The following FGF7 variants were observed in gnomAD, a reference collection of about 807,000 sequenced individuals.
FGF7 encodes fibroblast growth factor 7, also known as FGF-7.
Under a neutral mutation model 20.5 loss-of-function variants are expected in FGF7, and 6 were observed. That is an observed-to-expected ratio of 0.29 (90% CI 0.16 to 0.58). The LOEUF is 0.58. Among genes scored for constraint, FGF7 ranks in the 20% least tolerant of loss-of-function variants. The pLI is 0.90. For missense variants in FGF7, 144 were observed against 228.8 expected, an observed-to-expected ratio of 0.63 and a Z score of 2.39; for synonymous variants, 64 against 74.7, an observed-to-expected ratio of 0.86 and a Z score of 0.74.
chr15:49,437,846 T>C (rs1305268285), intron 2 of FGF7, among the ~76,000 whole-genome samples: 2 of 151,550 alleles, frequency 1.3e-5, no homozygotes, highest in Admixed American at 6.6e-5. Context: ...GTAAGTACTG[T>C]GAAAAAGGTA....
chr15:49,483,110 CTG>C (rs1290895541), intron 2 of FGF7, 39 bp from the exon 3 acceptor site: 1 of 1,126,886 alleles, frequency 8.9e-7, no homozygotes, highest in Non-Finnish European at 1.3e-6. Context: ...ATTTGCAAAA[CTG>C]AACGAATATT....
At chr15:49,473,632 T>G (rs1168455223) in intron 2 of FGF7, among the ~76,000 whole-genome samples, 1 of 152,110 alleles carries the variant, frequency 6.6e-6, no homozygotes, top group Non-Finnish European at 1.5e-5. Flanking sequence ...CAATATTTTA[T>G]TTATGGAGCA....
intron 2 of FGF7, among the ~76,000 whole-genome samples, chr15:49,442,034 C>A (rs1206346513): frequency 6.6e-6 from 1 of 151,284 alleles, no homozygotes; most frequent in Non-Finnish European, 1.5e-5. Flanking sequence ...TAGTGTCCAG[C>A]ACATTAGGAA....
At chr15:49,442,492 T>C (rs556817116) in intron 2 of FGF7, among the ~76,000 whole-genome samples, 2 of 151,836 alleles carry the variant, frequency 1.3e-5, no homozygotes, top group Non-Finnish European at 3.0e-5. Context: ...TCCTAGACTT[T>C]AGAACCAGGA....
At chr15:49,459,651 T>C (rs1386526609) in intron 2 of FGF7, among the ~76,000 whole-genome samples, 3 of 152,184 alleles carry the variant, frequency 2.0e-5, no homozygotes, top group Non-Finnish European at 2.9e-5. Context: ...AAAACTAGTA[T>C]TTCTATAGTT....
chr15:49,460,221 A>G (rs1396987854), intron 2 of FGF7, among the ~76,000 whole-genome samples: 1 of 152,212 alleles, frequency 6.6e-6, no homozygotes, highest in African/African-American at 2.4e-5. Flanking sequence ...CCTTAAAAAA[A>G]AAGTCCAAAA....
At chr15:49,436,830 T>C (rs1203916060) in intron 2 of FGF7, among the ~76,000 whole-genome samples, 2 of 151,634 alleles carry the variant, frequency 1.3e-5, no homozygotes, top group East Asian at 3.9e-4. Flanking sequence ...TATTACTTTG[T>C]ATCAAGCAGT....
chr15:49,451,435 G>C (rs955340099), intron 2 of FGF7, among the ~76,000 whole-genome samples: 1 of 151,970 alleles, frequency 6.6e-6, no homozygotes, highest in African/African-American at 2.4e-5. Flanking sequence ...TCTATGCATT[G>C]CTGACAGACA....
At chr15:49,436,845 T>A (rs899400336) in intron 2 of FGF7, among the ~76,000 whole-genome samples, 1 of 151,618 alleles carries the variant, frequency 6.6e-6, no homozygotes, top group African/African-American at 2.4e-5. Flanking sequence ...AGCAGTGGGA[T>A]AATTTGCATC....
In FGF7 at chr15:49,466,794, T is replaced by C. The variant is rs74549461; in HGVS notation, c.287-16357T>C. 1.7e-4 allele frequency among the ~76,000 whole-genome samples: 26 copies of C among 152,322 alleles called. No individual in the cohort carries two copies. In the East Asian group the frequency reaches 4.8e-3, roughly 28 times the overall value. The stretch of plus-strand genomic sequence containing the variant: ...GAGCTTGGGGGTCTTTAACCCTTTT[T>C]AAATTTTTTAATTATCTTTTTAAGT... On this transcript the variant is annotated intron_variant, in intron 2 of 3. Coordinates refer to ENST00000267843, the MANE Select transcript of FGF7 (RefSeq NM_002009.4).
At chr15:49,464,548 A>T (rs1279325762) in intron 2 of FGF7, among the ~76,000 whole-genome samples, 1 of 152,198 alleles carries the variant, frequency 6.6e-6, no homozygotes, top group Non-Finnish European at 1.5e-5. Flanking sequence ...GTAGGCAAAA[A>T]ACTGGCAGAT....
At chr15:49,442,780 C>G (rs2051791917) in intron 2 of FGF7, among the ~76,000 whole-genome samples, 1 of 151,720 alleles carries the variant, frequency 6.6e-6, no homozygotes, top group South Asian at 2.1e-4. Flanking sequence ...ACTTCAAATA[C>G]CCAACCACTG....
intron 2 of FGF7, among the ~76,000 whole-genome samples, chr15:49,432,034 A>G (rs2050668298): frequency 1.3e-5 from 2 of 151,738 alleles, no homozygotes; most frequent in Non-Finnish European, 3.0e-5. Context: ...AACTGTAATA[A>G]TCTTTGCTTA....
At chr15:49,484,016 G>C (rs1224041184) in intron 3 of FGF7, among the ~76,000 whole-genome samples, 2 of 151,974 alleles carry the variant, frequency 1.3e-5, no homozygotes. Context: ...CTGTTACTTA[G>C]GGGGAAATAG....
chr15:49,484,156 T>G (rs1397322497), intron 3 of FGF7, among the ~76,000 whole-genome samples, 154 bp from the exon 4 acceptor site: 1 of 152,092 alleles, frequency 6.6e-6, no homozygotes, highest in Non-Finnish European at 1.5e-5. Context: ...TACATAAGTA[T>G]AGCTAATAAA....
chr15:49,428,436 G>A (rs2050311428), intron 2 of FGF7, among the ~76,000 whole-genome samples: 4 of 151,948 alleles, frequency 2.6e-5, no homozygotes, highest in South Asian at 4.2e-4. Flanking sequence ...ATGAATGGTC[G>A]ATACTTCCAC....
At chr15:49,476,710 G>A (rs943270284) in intron 2 of FGF7, among the ~76,000 whole-genome samples, 10 of 152,142 alleles carry the variant, frequency 6.6e-5, no homozygotes, top group African/African-American at 2.4e-4. Context: ...AAAGTCAGCT[G>A]CATTTAAAAA....
At chr15:49,441,650 G>A (rs1484197199) in intron 2 of FGF7, among the ~76,000 whole-genome samples, 1 of 151,520 alleles carries the variant, frequency 6.6e-6, no homozygotes, top group African/African-American at 2.4e-5. Flanking sequence ...CTTCTCAGGG[G>A]CTCCACATCA....
intron 2 of FGF7, among the ~76,000 whole-genome samples, chr15:49,472,255 G>C (rs1247621196): frequency 6.6e-6 from 1 of 152,156 alleles, no homozygotes; most frequent in East Asian, 1.9e-4. Flanking sequence ...CTGGAGGAGT[G>C]ACAACTCTGC....
Sources: gnomAD v4.1 joint callset for allele counts (sites outside exome capture counted in the v4.1 genomes callset) on GRCh38, gnomAD v4.1.1 for gene constraint, MANE v1.5 for transcripts, NCBI Gene and HGNC (gene_info 2026-07-23, HGNC 2026-07-21) for gene names.